The following BIRC6 variants were observed in gnomAD, a reference collection of about 807,000 sequenced individuals.
BIRC6 encodes baculoviral IAP repeat containing 6, also known as dual E2 ubiquitin-conjugating enzyme/E3 ubiquitin-protein ligase BIRC6.
A neutral mutation model predicts 503.3 loss-of-function variants in BIRC6; 98 were observed. That is an observed-to-expected ratio of 0.19 (90% CI 0.17 to 0.23). BIRC6 has a LOEUF of 0.23. BIRC6 is among the 10% of genes least tolerant of loss of function. The pLI is 1.00. For synonymous variants in BIRC6, 2,240 were observed against 2,078.7 expected, an observed-to-expected ratio of 1.08 and a Z score of -2.11; for missense variants, 5,360 against 5,806.0, an observed-to-expected ratio of 0.92 and a Z score of 2.50.
intron 23 of BIRC6, among the ~76,000 whole-genome samples, chr2:32,458,625 A>G (rs945688270): frequency 7.2e-6 from 1 of 139,206 alleles, no homozygotes; most frequent in Non-Finnish European, 1.5e-5. Context: ...ATATATATAT[A>G]TGGGTCTGTT....
chr2:32,406,458 T>C, intron 8 of BIRC6, 41 bp from the exon 9 acceptor site: 2 of 1,484,294 alleles, frequency 1.3e-6, no homozygotes, highest in East Asian at 2.3e-5. Flanking sequence ...ATGTATACTT[T>C]TTTTGAAATT....
chr2:32,514,974 A>C lies in BIRC6; in HGVS notation c.10569-16A>C. 1 of 1,567,978 alleles carries C rather than the reference A, an allele frequency of 6.4e-7. No homozygotes were observed. The highest frequency in any genetic ancestry group is 8.7e-7 in the Non-Finnish European group (1 of 1,144,190). ...AATATACTTGTATCATTAATATGAT[A>C]TCTTTTATTTTTTAGGTTACTTTTT... On this transcript the variant is annotated splice_polypyrimidine_tract_variant and intron_variant, in intron 54 of 73. Transcript: ENST00000421745.
At position 32,464,676 on chromosome 2, in the gene BIRC6, T is replaced by C. The variant is rs1385227793; in HGVS notation, c.5109T>C (p.Leu1703=). ...VIPPTPKTTP[L]FMTPPLTPPN... Reference sequence around the variant, plus strand: ...CACCCACTCCAAAAACAACACCTCTTTTTATGACTCCACCACTCACTCCAC... The same window carrying C: ...CACCCACTCCAAAAACAACACCTCTCTTTATGACTCCACCACTCACTCCAC... Residue 1703 remains leucine, a synonymous_variant, in exon 25 of 74, where the codon CTT becomes CTC. Transcript: ENST00000421745. 6.2e-7 allele frequency: 1 copy of C among 1,613,834 alleles called. No individual in the cohort carries two copies. The highest frequency in any genetic ancestry group is 8.5e-7 in the Non-Finnish European group (1 of 1,179,886).
At position 32,509,951 on chromosome 2, in the gene BIRC6, C is replaced by T; in HGVS notation, c.10194C>T (p.Asp3398=). 6.2e-7 allele frequency: 1 copy of T among 1,613,986 alleles called. No individual in the cohort carries two copies. The highest frequency in any genetic ancestry group is 1.3e-5 in the African/African-American group (1 of 75,060). Reference sequence around the variant, plus strand: ...CTAGAATTGGCCTGAAGCTCATAGACATTCTCCTGAGAAATTGTGCAGCAT... The same window carrying T: ...CTAGAATTGGCCTGAAGCTCATAGATATTCTCCTGAGAAATTGTGCAGCAT... The part of the protein sequence containing the change: ...QSTRIGLKLI[D]ILLRNCAASG... Residue 3398 remains aspartate (D), a synonymous_variant, in exon 52 of 74, where the codon GAC becomes GAT. Transcript: ENST00000421745.
chr2:32,524,773 A>T (rs1416634399), intron 57 of BIRC6, 115 bp from the exon 58 acceptor site: 11 of 728,302 alleles, frequency 1.5e-5, no homozygotes, highest in Non-Finnish European at 2.0e-5. Context: ...ATTCCTTTAT[A>T]TTGCCTTAGT....
chr2:32,489,213 A>C (rs1360245397), intron 42 of BIRC6, among the ~76,000 whole-genome samples: 1 of 152,010 alleles, frequency 6.6e-6, no homozygotes, highest in African/African-American at 2.4e-5. Context: ...ACAGGAATCT[A>C]TTTTAGTTAT....
At chr2:32,601,591 AG>A (rs1455156512) in intron 70 of BIRC6, among the ~76,000 whole-genome samples, 1 of 152,206 alleles carries the variant, frequency 6.6e-6, no homozygotes, top group Non-Finnish European at 1.5e-5. Flanking sequence ...AAAAAAAAAA[AG>A]AACCACCTAT....
intron 61 of BIRC6, among the ~76,000 whole-genome samples, chr2:32,539,964 A>G (rs187151392): frequency 1.1e-3 from 163 of 152,220 alleles, no homozygotes; most frequent in Middle Eastern, 3.4e-3. Context: ...TAGCAAGCAC[A>G]TTATTATAAT....
At chr2:32,419,592 A>G (rs2042729556) in intron 10 of BIRC6, among the ~76,000 whole-genome samples, 2 of 152,184 alleles carry the variant, frequency 1.3e-5, no homozygotes, top group Admixed American at 6.5e-5. Flanking sequence ...TCAGTGGAGT[A>G]TAAGATAGGG....
rs1223123985 is a variant in BIRC6 at position 32,491,421 on chromosome 2, A to G, written c.8207-4A>G. On this transcript the variant is annotated splice_polypyrimidine_tract_variant and splice_region_variant and intron_variant, in intron 43 of 73. Coordinates refer to ENST00000421745, the MANE Select transcript of BIRC6 (RefSeq NM_016252.4). ...TTAAGAGGTTTTTAAAAAATGTTTT[A>G]TAGCTGGTTCCAGCAGTGCCATTGG... The G allele has an allele frequency of 1.7e-5, 27 of 1,601,986 alleles. No homozygotes were observed. Among genetic ancestry groups the G allele is most frequent in the Non-Finnish European group, 2.2e-5 (26 of 1,176,230 alleles).
intron 57 of BIRC6, 42 bp from the exon 58 acceptor site, chr2:32,524,846 G>T: frequency 2.4e-6 from 3 of 1,238,104 alleles, no homozygotes; most frequent in Non-Finnish European, 3.2e-6. Flanking sequence ...TCTTCTTAAT[G>T]ATTTGGAAAA....
intron 65 of BIRC6, among the ~76,000 whole-genome samples, chr2:32,556,723 T>G (rs1248093441): frequency 6.6e-6 from 1 of 152,042 alleles, no homozygotes; most frequent in Non-Finnish European, 1.5e-5. Flanking sequence ...CCGAGGTGGG[T>G]GGATCACCTG....
rs79447326 is a variant in BIRC6 at position 32,604,605 on chromosome 2, T to C, written c.14070+1522T>C. 9.5e-3 allele frequency among the ~76,000 whole-genome samples: 1,442 copies of C among 152,370 alleles called. 20 individuals are homozygous for C. The highest frequency in any genetic ancestry group is 0.014 in the Admixed American group (219 of 15,304). ...AGTATTGATCTCTGATAATCTTTTG[T>C]TGTTATTCTTATCAAATACAAACTT... On this transcript the variant is annotated intron_variant, in intron 71 of 73. Coordinates refer to ENST00000421745, the MANE Select transcript of BIRC6 (RefSeq NM_016252.4).
chr2:32,479,974 C>CT (rs1002692595), intron 37 of BIRC6, among the ~76,000 whole-genome samples: 18 of 150,644 alleles, frequency 1.2e-4, no homozygotes, highest in African/African-American at 1.7e-4. Context: ...CTTACTTTTT[C>CT]TTTTTTTTTC....
At chr2:32,394,402 C>T (rs1451157808) in intron 5 of BIRC6, among the ~76,000 whole-genome samples, 1 of 151,600 alleles carries the variant, frequency 6.6e-6, no homozygotes, top group Non-Finnish European at 1.5e-5. Context: ...TGTGCCTGGC[C>T]CTTGAATTGA....
At chr2:32,435,197 G>C (rs1348931567) in intron 13 of BIRC6, among the ~76,000 whole-genome samples, 3 of 152,190 alleles carry the variant, frequency 2.0e-5, no homozygotes, top group Non-Finnish European at 4.4e-5. Context: ...CTCTGCAAGT[G>C]CTTGTACCAG....
rs563396080 is a variant in BIRC6 at position 32,511,264 on chromosome 2, A to G, written c.10346+630A>G. Among the ~76,000 whole-genome samples the G allele has an allele frequency of 2.1e-4, 16 of 77,718 alleles. No homozygotes were observed. In the Admixed American group the frequency reaches 2.7e-3, roughly 13 times the overall value. 51.0% of individuals were successfully genotyped at this position (77,718 alleles called of 152,430 possible). On this transcript the variant is annotated intron_variant, in intron 53 of 73. Transcript: ENST00000421745. ...AATTTTAATGAGTTGTCCTAATGTCATTCTACCTTGATGTCTTCTACTTCC... is the reference window on the plus strand; with the variant it reads ...AATTTTAATGAGTTGTCCTAATGTCGTTCTACCTTGATGTCTTCTACTTCC...
At chr2:32,461,384 T>TGTGTG (rs2047979648) in intron 23 of BIRC6, among the ~76,000 whole-genome samples, 3 of 112,460 alleles carry the variant, frequency 2.7e-5, no homozygotes, top group African/African-American at 1.2e-4. Flanking sequence ...GTGTGTGTGT[T>TGTGTG]TAGTAGAGAC....
chr2:32,377,178 T>A (rs2149359336), intron 1 of BIRC6, among the ~76,000 whole-genome samples: 1 of 152,006 alleles, frequency 6.6e-6, no homozygotes, highest in South Asian at 2.1e-4. Flanking sequence ...GTTTTAAACA[T>A]TTTACTACAT....
Sources: gnomAD v4.1 joint callset for allele counts (sites outside exome capture counted in the v4.1 genomes callset) on GRCh38, gnomAD v4.1.1 for gene constraint, MANE v1.5 for transcripts, NCBI Gene and HGNC (gene_info 2026-07-23, HGNC 2026-07-21) for gene names.